Variants in CTSO observed in about 807,000 individuals in gnomAD.
The protein encoded by CTSO is cathepsin O.
In CTSO, 40 loss-of-function variants were observed where a neutral mutation model predicts 42.4. The ratio of observed to expected loss-of-function variants is 0.94; its 90% confidence interval spans 0.73 to 1.23. CTSO has a LOEUF of 1.23. Ranked by LOEUF, CTSO falls within the 50% of genes most tolerant of loss-of-function variation. CTSO has a pLI of 0.00. For synonymous variants in CTSO, 156 were observed against 146.2 expected, an observed-to-expected ratio of 1.07 and a Z score of -0.48; for missense variants, 441 against 396.0, an observed-to-expected ratio of 1.11 and a Z score of -0.96.
At chr4:155,936,602 A>C (rs945637238) in intron 5 of CTSO, among the ~76,000 whole-genome samples, 13 of 152,006 alleles carry the variant, frequency 8.6e-5, no homozygotes, top group Middle Eastern at 3.4e-3. Flanking sequence ...CCTATTTTGC[A>C]CTCTATCAAA....
intron 1 of CTSO, among the ~76,000 whole-genome samples, chr4:155,943,942 G>T (rs181663412): frequency 3.9e-5 from 6 of 152,220 alleles, no homozygotes; most frequent in Admixed American, 3.9e-4. Context: ...ATATAAACAT[G>T]CTTCAATTTC....
intron 1 of CTSO, among the ~76,000 whole-genome samples, chr4:155,952,254 G>A (rs974869768): frequency 1.3e-5 from 2 of 152,080 alleles, no homozygotes; most frequent in Non-Finnish European, 2.9e-5. Flanking sequence ...CCTGAGAAAA[G>A]TTACATTTTC....
rs1743110907 is a variant in CTSO, at chr4:155,925,278, A to G, written c.*758T>C. 1 of 152,248 alleles carries G rather than the reference A, an allele frequency of 6.6e-6. No homozygotes were observed. The highest frequency in any genetic ancestry group is 1.5e-5 in the Non-Finnish European group (1 of 68,044). 9.4% of individuals were successfully genotyped at this position (152,248 alleles called of 1,614,324 possible). On this transcript the variant is annotated 3_prime_UTR_variant, in exon 8 of 8. Coordinates refer to ENST00000433477, the MANE Select transcript of CTSO (RefSeq NM_001334.3). ...ATACTAGAGAACAAAATATTATTCT[A>G]TAGTATAAAAAGAACAAAGTAAGCA...
At chr4:155,935,302 C>A (rs1235707984) in intron 5 of CTSO, among the ~76,000 whole-genome samples, 6 of 152,110 alleles carry the variant, frequency 3.9e-5, no homozygotes, top group Admixed American at 2.0e-4. Context: ...TTGGGTATGT[C>A]TTTATCAGCA....
intron 1 of CTSO, among the ~76,000 whole-genome samples, chr4:155,949,014 G>T (rs188633322): frequency 6.6e-6 from 1 of 152,140 alleles, no homozygotes; most frequent in Non-Finnish European, 1.5e-5. Context: ...AGGAGTAAGC[G>T]AATCTTTTAT....
Position 155,942,392 on chromosome 4 carries a change from G to A in CTSO, c.309C>T (p.Ile103=). 1.2e-6 allele frequency: 2 copies of A among 1,602,958 alleles called. No individual in the cohort carries two copies. ...PRYSAEVHMS[I]PNVSLPLRFD... ...ATCTTAACGGCAAAGACACATTGGG[G>A]ATGGACATATGTACTTCTGCTGAGT... The change falls in exon 3 of 8, where the codon ATC becomes ATT. Residue 103 remains isoleucine (I), a synonymous_variant. Coordinates refer to ENST00000433477, the MANE Select transcript of CTSO (RefSeq NM_001334.3).
At chr4:155,937,163 G>C (rs901105298) in intron 5 of CTSO, among the ~76,000 whole-genome samples, 199 bp downstream of exon 5, 2 of 151,982 alleles carry the variant, frequency 1.3e-5, no homozygotes, top group African/African-American at 4.8e-5. Context: ...CTATCGTAAT[G>C]ACACTTGGGA....
chr4:155,952,846 A>G (rs1743701056), intron 1 of CTSO, among the ~76,000 whole-genome samples: 1 of 152,186 alleles, frequency 6.6e-6, no homozygotes. Flanking sequence ...AGAATGAAAG[A>G]ATTTTCTTTT....
At chr4:155,945,293 A>G (rs1743521989) in intron 1 of CTSO, among the ~76,000 whole-genome samples, 1 of 152,024 alleles carries the variant, frequency 6.6e-6, no homozygotes, top group South Asian at 2.1e-4. Context: ...TAAGAAAAGA[A>G]TGAGAAGACA....
intron 7 of CTSO, among the ~76,000 whole-genome samples, chr4:155,927,577 G>A (rs773875286): frequency 6.6e-6 from 1 of 152,100 alleles, no homozygotes; most frequent in Non-Finnish European, 1.5e-5. Flanking sequence ...AGACCATCCT[G>A]GCTAACACGG....
intron 4 of CTSO, among the ~76,000 whole-genome samples, chr4:155,938,653 G>A (rs1174400480): frequency 1.3e-5 from 2 of 152,110 alleles, no homozygotes; most frequent in Non-Finnish European, 2.9e-5. Flanking sequence ...CAGGCTGGGT[G>A]TGGTGGCTCA....
At chr4:155,951,390 C>A (rs936934213) in intron 1 of CTSO, among the ~76,000 whole-genome samples, 2 of 152,140 alleles carry the variant, frequency 1.3e-5, no homozygotes, top group African/African-American at 4.8e-5. Flanking sequence ...TTCCTGAGCA[C>A]TGGAAGTTTC....
At chr4:155,932,790 C>T (rs1238875173) in intron 5 of CTSO, among the ~76,000 whole-genome samples, 1 of 152,180 alleles carries the variant, frequency 6.6e-6, no homozygotes, top group African/African-American at 2.4e-5. Flanking sequence ...TTTCCCCACC[C>T]CATTACCAGT....
At chr4:155,943,324 G>A (rs1029381958) in intron 1 of CTSO, 60 bp from the exon 2 acceptor site, 23 of 995,648 alleles carry the variant, frequency 2.3e-5, no homozygotes, top group Non-Finnish European at 3.5e-5. Context: ...AGTAAACTGT[G>A]TATAACTAAC....
rs1255821983 is a variant in CTSO at position 155,924,964 on chromosome 4, A to G, written c.*1072T>C. On this transcript the variant is annotated 3_prime_UTR_variant, in exon 8 of 8. Transcript: ENST00000433477. ...GGGAGACCAGGAAAGCTGAGGGGAA[A>G]ACTGGGAAACAGATTCTGGAAAACT... 1.3e-5 allele frequency: 2 copies of G among 152,260 alleles called. No homozygotes were observed. The highest frequency in any genetic ancestry group is 4.8e-5 in the African/African-American group (2 of 41,392). The allele number at this position is 152,260 out of a possible 1,614,324, so 9.4% of individuals were successfully genotyped here. A position where few individuals can be genotyped will look rare whatever the true frequency, so the allele number is the denominator to read the frequency against.
intron 1 of CTSO, among the ~76,000 whole-genome samples, chr4:155,948,254 T>C (rs989471352): frequency 3.9e-5 from 6 of 152,106 alleles, no homozygotes; most frequent in Non-Finnish European, 8.8e-5. Context: ...TTATTATAGG[T>C]ATAACCTCTC....
At chr4:155,936,707 T>C (rs1743337653) in intron 5 of CTSO, among the ~76,000 whole-genome samples, 1 of 152,230 alleles carries the variant, frequency 6.6e-6, no homozygotes, top group Admixed American at 6.5e-5. Context: ...AAAGTTATCC[T>C]GCCCTTCAGT....
chr4:155,952,463 G>A (rs965750441), intron 1 of CTSO, among the ~76,000 whole-genome samples: 4 of 152,110 alleles, frequency 2.6e-5, no homozygotes, highest in Non-Finnish European at 4.4e-5. Flanking sequence ...CAATGAATAC[G>A]TTACCAATAA....
chr4:155,941,866 T>A (rs1243600664), intron 3 of CTSO, among the ~76,000 whole-genome samples: 1 of 152,202 alleles, frequency 6.6e-6, no homozygotes, highest in Non-Finnish European at 1.5e-5. Context: ...CCCAGGAGAT[T>A]CGGCCACACT....
Sources: gnomAD v4.1 joint callset for allele counts (sites outside exome capture counted in the v4.1 genomes callset) on GRCh38, gnomAD v4.1.1 for gene constraint, MANE v1.5 for transcripts, NCBI Gene and HGNC (gene_info 2026-07-23, HGNC 2026-07-21) for gene names.